LRRC71: variants seen among roughly 807,000 people sequenced by gnomAD.
LRRC71 encodes leucine rich repeat containing 71, also known as leucine-rich repeat-containing protein 71.
LRRC71 carries 54 observed loss-of-function variants against 66.6 expected under a neutral mutation model. The ratio of observed to expected loss-of-function variants is 0.81; its 90% CI spans 0.65 to 1.02. The LOEUF is 1.02. Among genes scored for constraint, LRRC71 ranks in the 50% least tolerant of loss-of-function variants. The pLI, the probability that LRRC71 is intolerant of heterozygous loss-of-function variation, is 0.00. For synonymous variants in LRRC71, 323 were observed against 303.9 expected, an observed-to-expected ratio of 1.06 and a Z score of -0.65; for missense variants, 724 against 718.0, an observed-to-expected ratio of 1.01 and a Z score of -0.10.
At chr1:156,938,493 C>T in the LRRC71 span, 2 of 1,613,410 alleles carry the variant, frequency 1.2e-6, no homozygotes. Context: ...GCAGGGACAA[C>T]CTTGCTGCCT....
downstream of LRRC71, chr1:156,937,352 T>C: frequency 6.2e-7 from 1 of 1,612,798 alleles, no homozygotes; most frequent in Non-Finnish European, 8.5e-7. Context: ...GCGTCTTGGA[T>C]CATCGTTGCC....
At chr1:156,936,132 T>C, downstream of LRRC71, 1 of 1,466,528 alleles carries the variant, frequency 6.8e-7, no homozygotes. Context: ...TCTAGAAAGT[T>C]CAGGCTCACG....
chr1:156,924,158 C>A, intron 2 of LRRC71, 60 bp downstream of exon 2: 1 of 1,517,186 alleles, frequency 6.6e-7, no homozygotes, highest in Non-Finnish European at 8.9e-7. Context: ...CCTCAGCCTC[C>A]CTTCCCACGC....
intron 5 of LRRC71, among the ~76,000 whole-genome samples, chr1:156,926,983 C>G (rs1309694101): frequency 6.6e-6 from 1 of 152,204 alleles, no homozygotes; most frequent in Non-Finnish European, 1.5e-5. Flanking sequence ...AGGGGCTACC[C>G]TACCATGGGT....
At chr1:156,935,940 G>T (rs539539608), downstream of LRRC71, 4 of 1,552,766 alleles carry the variant, frequency 2.6e-6, 1 homozygote, top group African/African-American at 2.7e-5. Context: ...CCTGTGCCCC[G>T]GTCTCAGGCC....
At chr1:156,938,727 T>C in the LRRC71 span, 4 of 507,988 alleles carry the variant, frequency 7.9e-6, no homozygotes, top group East Asian at 9.8e-5. Context: ...GAAGGTCAGT[T>C]CCCAGAAACC....
Position 156,932,432 on chromosome 1 carries a change from A to G in LRRC71, c.1450A>G (p.Ile484Val). Residue 484 changes from isoleucine to valine, a missense_variant, in exon 14 of 15, where the codon ATC (isoleucine) becomes GTC (valine). By Grantham distance (29) the Ile-to-Val change is conservative (BLOSUM62 3). Coordinates refer to ENST00000337428, the MANE Select transcript of LRRC71 (RefSeq NM_144702.3). ...LLHLNLIRNR[I>V]TEVGLEGFLA... ...TCTGTAACTTCCACCAGGGAACCGC[A>G]TCACAGAGGTGGGGCTGGAGGGCTT... 6.2e-7 allele frequency: 1 copy of G among 1,613,108 alleles called. No individual in the cohort carries two copies. Among genetic ancestry groups the G allele is most frequent in the Non-Finnish European group, 8.5e-7 (1 of 1,179,750 alleles).
intron 9 of LRRC71, among the ~76,000 whole-genome samples, chr1:156,928,911 T>G (rs1024886193): frequency 6.6e-6 from 1 of 152,170 alleles, no homozygotes; most frequent in Non-Finnish European, 1.5e-5. Context: ...TCCTCATCTG[T>G]AAGTGGGGAT....
At chr1:156,930,077 T>TTTCTTTTTC (rs1553189735) in intron 11 of LRRC71, among the ~76,000 whole-genome samples, 1 of 36,742 alleles carries the variant, frequency 2.7e-5, no homozygotes, top group African/African-American at 2.0e-4. Context: ...TCTTTCTTTC[T>TTTCTTTTTC]TTTCTTTCTT....
intron 9 of LRRC71, among the ~76,000 whole-genome samples, chr1:156,928,816 C>T (rs2101638469): frequency 6.6e-6 from 1 of 152,100 alleles, no homozygotes; most frequent in South Asian, 2.1e-4. Context: ...AATGATCCGC[C>T]CACCTCGGCC....
downstream of LRRC71, among the ~76,000 whole-genome samples, chr1:156,936,496 AAATATATATATATATATAT>A (rs2101716946): frequency 1.3e-5 from 1 of 77,738 alleles, no homozygotes; most frequent in Admixed American, 1.6e-4. Flanking sequence ...AAAAAAAAAA[AAATATATATATATATATAT>A]ATATATATAT....
chr1:156,939,362 G>C, the LRRC71 span: 1 of 756,110 alleles, frequency 1.3e-6, no homozygotes, highest in Non-Finnish European at 2.1e-6. Context: ...GCTAAGCTCT[G>C]AATCTCGAAT....
chr1:156,936,074 G>A, downstream of LRRC71: 1 of 1,613,994 alleles, frequency 6.2e-7, no homozygotes, highest in Non-Finnish European at 8.5e-7. Context: ...GGAGGAGGAT[G>A]AAGGTGAGGA....
chr1:156,928,322 C>CT lies in LRRC71; in HGVS notation c.996+320dup, dbSNP rs987143488. Among the ~76,000 whole-genome samples, 164 of 142,996 alleles carry CT rather than the reference C, an allele frequency of 1.1e-3. 1 individual carries two copies. The highest frequency in any genetic ancestry group is 4.1e-3 in the African/African-American group (158 of 38,618). The allele number at this position is 142,996 out of a possible 152,430, so 93.8% of individuals were successfully genotyped here. A position where few individuals can be genotyped will look rare whatever the true frequency, so the allele number is the denominator to read the frequency against. On this transcript the variant is annotated intron_variant, in intron 9 of 14. Coordinates refer to ENST00000337428, the MANE Select transcript of LRRC71 (RefSeq NM_144702.3). ...GCATGTTACTAAACAACTTCTTCTTCTTCTTTCTTTTTTCTTTCTTCTTTC... is the reference window on the plus strand; with the variant it reads ...GCATGTTACTAAACAACTTCTTCTTCTTTCTTTCTTTTTTCTTTCTTCTTTC...
rs1408937573 is a variant in LRRC71, at chr1:156,920,645, G to C, written c.-159G>C. 2 of 915,640 alleles carry C rather than the reference G, an allele frequency of 2.2e-6. No individual in the cohort carries two copies. Among genetic ancestry groups the C allele is most frequent in the Non-Finnish European group, 2.9e-6 (2 of 680,296 alleles). 56.7% of individuals were successfully genotyped at this position (915,640 alleles called of 1,614,324 possible). A position where few individuals can be genotyped will look rare whatever the true frequency, so the allele number is the denominator to read the frequency against. ...CCGCCTCGCGCGGTTGTCTTGGAGAGGGACGCGTAGGCTACGCCACCGCGG... is the reference window on the plus strand; with the variant it reads ...CCGCCTCGCGCGGTTGTCTTGGAGACGGACGCGTAGGCTACGCCACCGCGG... On this transcript the variant is annotated 5_prime_UTR_variant, in exon 1 of 15. Coordinates refer to ENST00000337428, the MANE Select transcript of LRRC71 (RefSeq NM_144702.3). This position sits in a 1 kb window ranked among gnomAD's most constrained non-coding sequence, Gnocchi z 4.9.
chr1:156,934,553 A>T (rs896978181), downstream of LRRC71, among the ~76,000 whole-genome samples: 2 of 151,982 alleles, frequency 1.3e-5, no homozygotes, highest in East Asian at 1.9e-4. Context: ...GTGTGTGTGT[A>T]TATCTATATA....
chr1:156,937,400 G>A (rs1004836662), downstream of LRRC71: 1 of 1,598,698 alleles, frequency 6.3e-7, no homozygotes, highest in South Asian at 1.1e-5. Flanking sequence ...CTGCCCTGCA[G>A]GGAGGCTGTC....
At chr1:156,930,395 C>T (rs1654187076) in intron 11 of LRRC71, 134 bp from the exon 12 acceptor site, 2 of 689,716 alleles carry the variant, frequency 2.9e-6, no homozygotes, top group Non-Finnish European at 5.1e-6. Context: ...GCCCAGCCCC[C>T]TCCAGCCATT....
At chr1:156,932,357 G>A (rs1290272825) in intron 13 of LRRC71, 67 bp from the exon 14 acceptor site, 4 of 1,290,366 alleles carry the variant, frequency 3.1e-6, no homozygotes, top group Admixed American at 3.8e-5. Flanking sequence ...TGCTGGGGAT[G>A]TCTGGTGTGT....
Sources: gnomAD v4.1 joint callset for allele counts (sites outside exome capture counted in the v4.1 genomes callset) on GRCh38, gnomAD v4.1.1 for gene constraint, Gnocchi (gnomAD v3.1) non-coding constraint, MANE v1.5 for transcripts, NCBI Gene and HGNC (gene_info 2026-07-23, HGNC 2026-07-21) for gene names.